PRMT2: variants seen among roughly 807,000 people sequenced by gnomAD.
PRMT2 encodes the protein protein arginine N-methyltransferase 2.
PRMT2 carries 26 observed loss-of-function variants against 57.6 expected under a neutral mutation model. The ratio of observed to expected loss-of-function variants is 0.45; its 90% CI spans 0.33 to 0.63. PRMT2 has a LOEUF of 0.63. Among genes scored for constraint, PRMT2 ranks in the 20% least tolerant of loss-of-function variants. PRMT2 has a pLI of 0.02. For synonymous variants in PRMT2, 219 were observed against 220.0 expected (o/e 1.00, Z 0.04); for missense variants, 472 against 564.4 (o/e 0.84, Z 1.66).
At chr21:46,657,056 G>C (rs1366178443) in intron 7 of PRMT2, 1 of 152,112 alleles carries the variant, frequency 6.6e-6, no homozygotes, top group Non-Finnish European at 1.5e-5. Context: ...CACATGAAAA[G>C]ATGTTCAGCA....
At chr21:46,658,564 C>T (rs141616310) in intron 7 of PRMT2, 181 bp from the exon 8 acceptor site, 72 of 1,071,672 alleles carry the variant, frequency 6.7e-5, no homozygotes, top group African/African-American at 6.6e-4. Context: ...GCATCAGTGA[C>T]GTGTGGGCAT....
At chr21:46,641,172 C>T (rs950317767) in intron 3 of PRMT2, among the ~76,000 whole-genome samples, 4 of 150,346 alleles carry the variant, frequency 2.7e-5, no homozygotes, top group Non-Finnish European at 5.9e-5. Flanking sequence ...TTCTATCCTG[C>T]AGAAATAAAA....
Position 46,648,766 on chromosome 21 carries a change from C to T in PRMT2, c.489+147C>T. The T allele has an allele frequency of 3.8e-6, 4 of 1,061,662 alleles. No homozygotes were observed. The East Asian group carries it at 7.4e-5, about 20-fold the overall frequency. The allele number at this position is 1,061,662 out of a possible 1,614,324, so 65.8% of individuals were successfully genotyped here. ...CTTGTTGAGCACCCTGCACGTGGGGCTCAGGGTCGGTAAAATAGCAGTGCG... is the reference window on the plus strand; with the variant it reads ...CTTGTTGAGCACCCTGCACGTGGGGTTCAGGGTCGGTAAAATAGCAGTGCG... On this transcript the variant is annotated intron_variant, in intron 6 of 11. Transcript: ENST00000355680. This position sits in a 1 kb window ranked among gnomAD's most constrained non-coding sequence, Gnocchi z 4.8.
chr21:46,648,352 GT>G lies in PRMT2; in HGVS notation c.328-104del, dbSNP rs2061395761. On this transcript the variant is annotated intron_variant, in intron 5 of 11. Transcript: ENST00000355680. The surrounding 1 kb of genome is among the most constrained non-coding windows in gnomAD (Gnocchi z 4.8). Reference sequence around the variant, plus strand: ...GCCTTCCATAGTCTTCCATAGGGGTGTTGGGGTCAGGGGTCATCAGCTGTGG... The same window carrying G: ...GCCTTCCATAGTCTTCCATAGGGGTGTGGGGTCAGGGGTCATCAGCTGTGG... 7 of 1,226,982 alleles carry G rather than the reference GT, an allele frequency of 5.7e-6. No homozygotes were observed. Among genetic ancestry groups the G allele is most frequent in the African/African-American group, 1.5e-5 (1 of 66,864 alleles). 76.0% of individuals were successfully genotyped at this position (1,226,982 alleles called of 1,614,324 possible). A position where few individuals can be genotyped will look rare whatever the true frequency, so the allele number is the denominator to read the frequency against.
chr21:46,639,169 AT>A (rs1387873978), intron 3 of PRMT2, among the ~76,000 whole-genome samples: 1 of 152,070 alleles, frequency 6.6e-6, no homozygotes, highest in African/African-American at 2.4e-5. Flanking sequence ...ACTTTTTCTT[AT>A]TTAATTTTGC....
chr21:46,636,990 G>A lies in PRMT2; in HGVS notation c.39G>A (p.Gln13=), dbSNP rs755162171. 4 of 1,613,768 alleles carry A rather than the reference G, an allele frequency of 2.5e-6. No homozygotes were observed. The highest frequency in any genetic ancestry group is 3.4e-6 in the Non-Finnish European group (4 of 1,179,872). ...TSGDCPRSES[Q]GEEPAECSEA... is the part of the protein sequence containing the mutation. ...GTGACTGTCCCAGAAGTGAATCGCA[G>A]GTAATTTCCGTTCCACTTCCTAAAA... is the stretch of plus-strand genomic sequence containing the variant. The change falls in exon 3 of 12, where the codon CAG becomes CAA. Residue 13 remains glutamine (Q), a splice_region_variant and synonymous_variant. Coordinates refer to ENST00000355680, the MANE Select transcript of PRMT2 (RefSeq NM_206962.4).
chr21:46,646,101 C>A (rs933440888), intron 5 of PRMT2, among the ~76,000 whole-genome samples: 1 of 152,058 alleles, frequency 6.6e-6, no homozygotes, highest in African/African-American at 2.4e-5. Flanking sequence ...AGGTTACCTG[C>A]TGGTAGGGGA....
In PRMT2 at chr21:46,649,442, C is replaced by T. The variant is rs2061415928; in HGVS notation, c.490-133C>T. ...GGGCAGGTGTGGCCAGTCCTCGCTG[C>T]CTCTGCTGTCTGGAATGCTGCTTCC... On this transcript the variant is annotated intron_variant, in intron 6 of 11. Coordinates refer to ENST00000355680, the MANE Select transcript of PRMT2 (RefSeq NM_206962.4). This position sits in a 1 kb window ranked among gnomAD's most constrained non-coding sequence, Gnocchi z 4.8. 7.0e-7 allele frequency: 1 copy of T among 1,434,928 alleles called. No homozygotes were observed. The highest frequency in any genetic ancestry group is 9.7e-7 in the Non-Finnish European group (1 of 1,030,156). The allele number at this position is 1,434,928 out of a possible 1,614,324, so 88.9% of individuals were successfully genotyped here. A position where few individuals can be genotyped will look rare whatever the true frequency, so the allele number is the denominator to read the frequency against.
In PRMT2 at chr21:46,647,896, T is replaced by C. The variant is rs538797677; in HGVS notation, c.328-562T>C. On this transcript the variant is annotated intron_variant, in intron 5 of 11. Transcript: ENST00000355680. ...CCTGTTGTTTCACTGGTCTGTTTAC[T>C]GCAGTTCCCAGTGCTTCGTCATTTC... Among the ~76,000 whole-genome samples, 5 of 152,364 alleles carry C rather than the reference T, an allele frequency of 3.3e-5. No homozygotes were observed. In the South Asian group the frequency reaches 1.0e-3, roughly 32 times the overall value.
At chr21:46,654,711 G>A (rs1260634973) in intron 7 of PRMT2, 2 of 156,302 alleles carry the variant, frequency 1.3e-5, no homozygotes, top group Non-Finnish European at 2.8e-5. Flanking sequence ...ATTGTATTAG[G>A]TAGAAGTAAT....
At chr21:46,658,531 G>A (rs2061572290) in intron 7 of PRMT2, 16 of 748,880 alleles carry the variant, frequency 2.1e-5, no homozygotes, top group Non-Finnish European at 3.2e-5. Context: ...GAAATTATGT[G>A]ACTTAAACCC....
At position 46,649,138 on chromosome 21, in the gene PRMT2, G is replaced by A. The variant is rs2061410699; in HGVS notation, c.490-437G>A. Reference sequence around the variant, plus strand: ...TGTCCACCCAAGTCCAGGCTCTGCAGGACCCAGGACCCAGCGCTTGGGTGC... The same window carrying A: ...TGTCCACCCAAGTCCAGGCTCTGCAAGACCCAGGACCCAGCGCTTGGGTGC... On this transcript the variant is annotated intron_variant, in intron 6 of 11. Coordinates refer to ENST00000355680, the MANE Select transcript of PRMT2 (RefSeq NM_206962.4). This position sits in a 1 kb window ranked among gnomAD's most constrained non-coding sequence, Gnocchi z 4.8. Among the ~76,000 whole-genome samples the A allele has an allele frequency of 6.6e-6, 1 of 152,214 alleles. No homozygotes were observed. Among genetic ancestry groups the A allele is most frequent in the Admixed American group, 6.5e-5 (1 of 15,288 alleles).
In PRMT2 at chr21:46,645,680, AAAGTT is replaced by A. The variant is rs1200245245; in HGVS notation, c.327+1196_327+1200del. 5.3e-5 allele frequency among the ~76,000 whole-genome samples: 8 copies of A among 152,212 alleles called. No individual in the cohort carries two copies. The South Asian group carries it at 1.4e-3, about 28-fold the overall frequency. On this transcript the variant is annotated intron_variant, in intron 5 of 11. Transcript: ENST00000355680. ...TCTATAACGTTTGACTCAATTATAT[AAAGTT>A]AAGAGGCCATATTAGAAGGTTTTTT...
chr21:46,645,442 G>A (rs2061349618), intron 5 of PRMT2, among the ~76,000 whole-genome samples: 1 of 152,018 alleles, frequency 6.6e-6, no homozygotes, highest in Admixed American at 6.6e-5. Context: ...CTCCAGCCTG[G>A]GTGATTGAAC....
intron 5 of PRMT2, among the ~76,000 whole-genome samples, chr21:46,645,315 C>CG (rs1555930177): frequency 2.6e-5 from 4 of 151,934 alleles, no homozygotes; most frequent in African/African-American, 7.2e-5. Context: ...AATAATACTA[C>CG]TTAGGTCAGG....
In PRMT2 at chr21:46,643,530, A is replaced by G. The variant is rs778914591; in HGVS notation, c.40-5A>G. 2 of 1,556,218 alleles carry G rather than the reference A, an allele frequency of 1.3e-6. No individual in the cohort carries two copies. The highest frequency in any genetic ancestry group is 2.8e-5 in the African/African-American group (2 of 71,310). ...TCTCCTCACGCTTTCCTTGGCTTTG[A>G]GCAGGGAGAAGAGCCTGCTGAGTGC... On this transcript the variant is annotated splice_polypyrimidine_tract_variant and splice_region_variant and intron_variant, in intron 3 of 11. Coordinates refer to ENST00000355680, the MANE Select transcript of PRMT2 (RefSeq NM_206962.4).
At position 46,653,587 on chromosome 21, in the gene PRMT2, A is replaced by G. The variant is rs1189515657; in HGVS notation, c.654+3848A>G. 6.3e-6 allele frequency: 7 copies of G among 1,116,750 alleles called. No individual in the cohort carries two copies. The East Asian group carries it at 5.9e-4, about 94-fold the overall frequency. 69.2% of individuals were successfully genotyped at this position (1,116,750 alleles called of 1,614,324 possible). A position where few individuals can be genotyped will look rare whatever the true frequency, so the allele number is the denominator to read the frequency against. On this transcript the variant is annotated intron_variant, in intron 7 of 11. Coordinates refer to ENST00000355680, the MANE Select transcript of PRMT2 (RefSeq NM_206962.4). The stretch of plus-strand genomic sequence containing the variant: ...CCTGGCTTCCCAGTGGGACAGGCCT[A>G]AGGGAGGACTTCTGGCCCCTTTGCT...
At chr21:46,637,752 T>C (rs766802263) in intron 3 of PRMT2, among the ~76,000 whole-genome samples, 91 of 151,540 alleles carry the variant, frequency 6.0e-4, no homozygotes, top group African/African-American at 2.2e-3. Flanking sequence ...AAGCTATATA[T>C]ATGTGTGTGT....
intron 1 of PRMT2, chr21:46,636,166 A>AC (rs1300593398): frequency 2.9e-5 from 4 of 138,824 alleles, no homozygotes; most frequent in South Asian, 2.3e-4. Flanking sequence ...CCCCCTTCTC[A>AC]CCCCCCTTCA....
Sources: allele counts gnomAD v4.1 joint callset (sites outside exome capture counted in the v4.1 genomes callset), GRCh38; gene constraint gnomAD v4.1.1; non-coding constraint Gnocchi (gnomAD v3.1); transcripts MANE v1.5; gene names NCBI Gene and HGNC (gene_info 2026-07-23, HGNC 2026-07-21).